Variants in CPLANE1 observed in about 807,000 individuals in gnomAD.
CPLANE1 encodes ciliogenesis and planar polarity effector complex subunit 1.
CPLANE1 carries 263 observed loss-of-function variants against 362.5 expected under a neutral mutation model. The observed-to-expected ratio is 0.73, with a 90% CI of 0.66 to 0.80. The LOEUF (loss-of-function observed/expected upper bound fraction) is 0.80. Ranked by LOEUF, CPLANE1 falls within the 30% of genes least tolerant of loss-of-function variation. The pLI is 0.00. For missense variants in CPLANE1, 3,461 were observed against 3,793.4 expected (o/e 0.91, Z 2.30); for synonymous variants, 1,212 against 1,302.6 (o/e 0.93, Z 1.50).
In CPLANE1 at chr5:37,169,379, A is replaced by C; in HGVS notation, c.6645T>G (p.His2215Gln). ...CATCACCAGGACTAAATGTTTTTGC[A>C]TGTGGGATAAGTCTAGGTGCCTTCT... is the stretch of plus-strand genomic sequence containing the variant. ...VVQKAPRLIP[H>Q]AKTFSPGDGF... The change falls in exon 34 of 53, where the codon CAT becomes CAG. Residue 2215 changes from histidine (H) to glutamine (Q), a missense_variant. Coordinates refer to ENST00000651892, the MANE Select transcript of CPLANE1 (RefSeq NM_001384732.1). 1 of 1,614,228 alleles carries C rather than the reference A, an allele frequency of 6.2e-7. No individual in the cohort carries two copies. The highest frequency in any genetic ancestry group is 1.3e-5 in the African/African-American group (1 of 75,076).
chr5:37,188,639 C>A (rs1343399537), intron 21 of CPLANE1, among the ~76,000 whole-genome samples: 1 of 152,114 alleles, frequency 6.6e-6, no homozygotes, highest in Non-Finnish European at 1.5e-5. Flanking sequence ...AGTAGATCTA[C>A]CATTTGATCC....
At chr5:37,232,345 G>A (rs968901394) in intron 8 of CPLANE1, among the ~76,000 whole-genome samples, 4 of 151,758 alleles carry the variant, frequency 2.6e-5, no homozygotes, top group Non-Finnish European at 2.9e-5. Flanking sequence ...ATGAAACCCC[G>A]TCTCCACTAA....
intron 51 of CPLANE1, among the ~76,000 whole-genome samples, chr5:37,111,539 CT>C (rs1759341202): frequency 6.6e-6 from 1 of 152,164 alleles, no homozygotes; most frequent in African/African-American, 2.4e-5. Flanking sequence ...AAAGTGGCAG[CT>C]TTCCAAAAGC....
chr5:37,100,492 T>C, the CPLANE1 span, among the ~76,000 whole-genome samples: 90 of 152,260 alleles, frequency 5.9e-4, no homozygotes, highest in African/African-American at 1.9e-3. Context: ...CCAAGTACCA[T>C]GCTGTTTTGG....
chr5:37,140,629 T>C (rs1414729977), intron 44 of CPLANE1: 2 of 985,290 alleles, frequency 2.0e-6, no homozygotes, highest in Non-Finnish European at 2.4e-6. Context: ...AAAAAAAGCT[T>C]GAAGGATTCT....
At chr5:37,161,110 A>T (rs1172248432) in intron 38 of CPLANE1, among the ~76,000 whole-genome samples, 2 of 152,212 alleles carry the variant, frequency 1.3e-5, no homozygotes, top group Admixed American at 6.5e-5. Flanking sequence ...AAACTGTCTA[A>T]TGTATAGCTG....
At position 37,239,829 on chromosome 5, in the gene CPLANE1, G is replaced by A. The variant is rs778771073; in HGVS notation, c.718C>T (p.His240Tyr). ...YHVHWAQQDC[H>Y]LCSLIPKCES... ...CATTTAGGAATTAAACTACAGAGAT[G>A]ACAGTCTTGTTGAGCCCAATGAACA... The change falls in exon 7 of 53, where the codon CAT becomes TAT. Residue 240 changes from histidine (H) to tyrosine (Y), a missense_variant. His to Tyr is a moderately conservative substitution (Grantham distance 83, BLOSUM62 2). Transcript: ENST00000651892. 45 of 1,539,830 alleles carry A rather than the reference G, an allele frequency of 2.9e-5. No individual in the cohort carries two copies. Among genetic ancestry groups the A allele is most frequent in the Middle Eastern group, 3.4e-4 (2 of 5,934 alleles).
At chr5:37,082,741 A>G in the CPLANE1 span, among the ~76,000 whole-genome samples, 1 of 151,748 alleles carries the variant, frequency 6.6e-6, no homozygotes, top group South Asian at 2.1e-4. Context: ...AGGGATGGAA[A>G]GAGAAATTCC....
chr5:37,176,723 T>C (rs1781250938), intron 30 of CPLANE1, among the ~76,000 whole-genome samples: 1 of 151,794 alleles, frequency 6.6e-6, no homozygotes, highest in Admixed American at 6.6e-5. Context: ...CTAACAAAAT[T>C]TGCATACTGA....
At chr5:37,166,764 C>T (rs867734440) in intron 35 of CPLANE1, among the ~76,000 whole-genome samples, 1 of 152,108 alleles carries the variant, frequency 6.6e-6, no homozygotes, top group African/African-American at 2.4e-5. Context: ...ATTTGAGCAG[C>T]AAATGACTGT....
chr5:37,099,925 C>CATTT, the CPLANE1 span, among the ~76,000 whole-genome samples: 2 of 152,174 alleles, frequency 1.3e-5, no homozygotes, highest in African/African-American at 2.4e-5. Context: ...TTCTGAGAAG[C>CATTT]ATTTGTTCAT....
chr5:37,112,791 C>T (rs1759727630), intron 51 of CPLANE1, among the ~76,000 whole-genome samples: 1 of 152,168 alleles, frequency 6.6e-6, no homozygotes, highest in African/African-American at 2.4e-5. Flanking sequence ...AACTTGGAGT[C>T]ATACACATTT....
chr5:37,095,097 C>T, the CPLANE1 span, among the ~76,000 whole-genome samples: 2 of 152,116 alleles, frequency 1.3e-5, no homozygotes, highest in African/African-American at 4.8e-5. Context: ...CCAGTTATCA[C>T]CCTAATACCA....
chr5:37,165,305 G>A (rs1777946642), intron 36 of CPLANE1, among the ~76,000 whole-genome samples: 1 of 152,102 alleles, frequency 6.6e-6, no homozygotes, highest in Non-Finnish European at 1.5e-5. Context: ...AAGCCACACA[G>A]GCAGATGCTC....
chr5:37,184,262 A>C (rs10057270), intron 25 of CPLANE1, among the ~76,000 whole-genome samples: 22,372 of 152,058 alleles, frequency 0.15, 1,905 homozygotes, highest in African/African-American at 0.22. Flanking sequence ...AATTCCTTTT[A>C]AATGTTTCTT....
intron 23 of CPLANE1, among the ~76,000 whole-genome samples, chr5:37,187,060 C>CAAAAAAAAAAAAAAAAAAAAAAAA (rs61112118): frequency 6.0e-5 from 3 of 50,394 alleles, no homozygotes; most frequent in African/African-American, 2.7e-4. Context: ...GACTCCGTCT[C>CAAAAAAAAAAAAAAAAAAAAAAAA]AAAAAAAAAA....
At position 37,231,044 on chromosome 5, in the gene CPLANE1, T is replaced by C. The variant is rs1200903066; in HGVS notation, c.944A>G (p.Tyr315Cys). The C allele has an allele frequency of 2.0e-6, 3 of 1,525,310 alleles. No individual in the cohort carries two copies. The highest frequency in any genetic ancestry group is 2.8e-5 in the African/African-American group (2 of 71,558). The allele number at this position is 1,525,310 out of a possible 1,614,324, so 94.5% of individuals were successfully genotyped here. ...PVVPATLIRS[Y>C]WVGDISWTHD... ...CGTCCAGCTGATATCACCTACCCAG[T>C]AGGACCTATAATAAATAAGAGACAA... is the stretch of plus-strand genomic sequence containing the variant. The change falls in exon 9 of 53, where the codon TAC becomes TGC. Residue 315 changes from tyrosine (Y) to cysteine (C), a missense_variant. This residue lies in a region of CPLANE1 where 3,380 missense variants were observed against 3,666.1 expected (regional missense o/e 0.92). Transcript: ENST00000651892.
intron 8 of CPLANE1, among the ~76,000 whole-genome samples, chr5:37,237,268 T>C (rs143731990): frequency 6.4e-4 from 97 of 152,298 alleles, no homozygotes; most frequent in African/African-American, 2.0e-3. Context: ...TACTCTGCCA[T>C]AAAACAAATG....
chr5:37,096,982 T>C, the CPLANE1 span, among the ~76,000 whole-genome samples: 6 of 152,148 alleles, frequency 3.9e-5, no homozygotes, highest in East Asian at 1.2e-3. Context: ...GTACAGCCAC[T>C]ATGGAAAACA....
Sources: allele counts gnomAD v4.1 joint callset (sites outside exome capture counted in the v4.1 genomes callset), GRCh38; gene constraint gnomAD v4.1.1; regional missense constraint gnomAD v4.1.1; transcripts MANE v1.5; gene names NCBI Gene and HGNC (gene_info 2026-07-23, HGNC 2026-07-21).